Variants in TCERG1 observed in about 807,000 individuals in gnomAD.
TCERG1 encodes transcription elongation regulator 1.
A neutral mutation model predicts 144.7 loss-of-function variants in TCERG1; 37 were observed. The ratio of observed to expected loss-of-function variants is 0.26; its 90% CI spans 0.20 to 0.34. The LOEUF (loss-of-function observed/expected upper bound fraction) is 0.34. Ranked by LOEUF, TCERG1 falls within the 10% of genes least tolerant of loss-of-function variation. The probability of loss-of-function intolerance (pLI) is 1.00; values close to 1 mark genes in which losing one functional copy is unlikely to be tolerated. For synonymous variants in TCERG1, 492 were observed against 458.2 expected (o/e 1.07, Z -0.94); for missense variants, 1,027 against 1,380.7 (o/e 0.74, Z 4.06).
At chr5:146,454,208 A>AAAAG (rs1762619336) in intron 1 of TCERG1, among the ~76,000 whole-genome samples, 1 of 89,790 alleles carries the variant, frequency 1.1e-5, no homozygotes, top group African/African-American at 4.2e-5. Flanking sequence ...TCAAAAAAAA[A>AAAAG]AAAGAAAAGA....
chr5:146,454,591 TTG>T (rs1344637399), intron 1 of TCERG1, among the ~76,000 whole-genome samples: 1 of 150,888 alleles, frequency 6.6e-6, no homozygotes, highest in East Asian at 1.9e-4. Context: ...GTTTTTTTGG[TTG>T]TTTGTTTGTT....
chr5:146,457,115 A>C, intron 2 of TCERG1, 68 bp from the exon 3 acceptor site: 4 of 1,563,764 alleles, frequency 2.6e-6, no homozygotes, highest in Non-Finnish European at 3.5e-6. Flanking sequence ...TTACTTTTGA[A>C]TAGAATTCAG....
chr5:146,468,405 T>TA lies in TCERG1; in HGVS notation c.1198+4dup, dbSNP rs1310174893. 6.2e-7 allele frequency: 1 copy of TA among 1,611,316 alleles called. No homozygotes were observed. The highest frequency in any genetic ancestry group is 8.5e-7 in the Non-Finnish European group (1 of 1,178,586). On this transcript the variant is annotated splice_region_variant and intron_variant, in intron 6 of 22. Transcript: ENST00000679501. ...AGACAGTCGCTACCACCAAGACCGG[T>TA]AATTTTTAAAACCATCTTAGTTTGT...
intron 12 of TCERG1, among the ~76,000 whole-genome samples, chr5:146,480,859 A>C (rs1469927946): frequency 6.6e-6 from 1 of 152,046 alleles, no homozygotes. Flanking sequence ...GATATGAAAG[A>C]ATCACTCATA....
rs1372158048 is a variant in TCERG1 at position 146,511,756 on chromosome 5, T to C, written c.*1114T>C. ...GCCTCATAGCAAGAAGATGCTGGGG[T>C]TTTTTTTGTTTTTGTCCTTTGTATT... On this transcript the variant is annotated 3_prime_UTR_variant, in exon 23 of 23. Coordinates refer to ENST00000679501, the MANE Select transcript of TCERG1 (RefSeq NM_001382548.1). The C allele has an allele frequency of 6.6e-6, 1 of 151,914 alleles. No individual in the cohort carries two copies. Among genetic ancestry groups the C allele is most frequent in the African/African-American group, 2.4e-5 (1 of 41,336 alleles). 9.4% of individuals were successfully genotyped at this position (151,914 alleles called of 1,614,324 possible).
chr5:146,469,930 GTCA>G, intron 7 of TCERG1, 186 bp downstream of exon 7: 1 of 435,572 alleles, frequency 2.3e-6, no homozygotes. Context: ...TTACATGTTT[GTCA>G]TCATTTTTTT....
chr5:146,479,978 T>C (rs1561671389), intron 11 of TCERG1, 50 bp from the exon 12 acceptor site: 13 of 1,591,344 alleles, frequency 8.2e-6, no homozygotes, highest in Non-Finnish European at 1.1e-5. Flanking sequence ...CTGGTAGTGA[T>C]TAGCAGAAGG....
At chr5:146,474,112 CCTT>C (rs1403126761) in intron 9 of TCERG1, among the ~76,000 whole-genome samples, 3 of 152,084 alleles carry the variant, frequency 2.0e-5, no homozygotes, top group Non-Finnish European at 4.4e-5. Flanking sequence ...CAATAGAACA[CCTT>C]CTGTAAACAA....
chr5:146,504,019 C>G lies in TCERG1; in HGVS notation c.2781+13C>G, dbSNP rs201466767. 1 of 1,500,082 alleles carries G rather than the reference C, an allele frequency of 6.7e-7. No individual in the cohort carries two copies. Among genetic ancestry groups the G allele is most frequent in the Non-Finnish European group, 8.9e-7 (1 of 1,124,954 alleles). 92.9% of individuals were successfully genotyped at this position (1,500,082 alleles called of 1,614,324 possible). Reference sequence around the variant, plus strand: ...TCTGTCTGACATGGTATACGTTAATCTTTTACTTTTTTTCTCTAAAGTACT... The same window carrying G: ...TCTGTCTGACATGGTATACGTTAATGTTTTACTTTTTTTCTCTAAAGTACT... On this transcript the variant is annotated intron_variant, in intron 19 of 22. Transcript: ENST00000679501.
intron 16 of TCERG1, among the ~76,000 whole-genome samples, chr5:146,498,283 CTCTT>C (rs796930144): frequency 6.6e-5 from 10 of 151,736 alleles, no homozygotes; most frequent in South Asian, 2.1e-4. Context: ...ACTCTGTGAT[CTCTT>C]TCTTTTTTTT....
chr5:146,453,393 C>T (rs370667485), intron 1 of TCERG1, among the ~76,000 whole-genome samples: 5 of 152,202 alleles, frequency 3.3e-5, no homozygotes, highest in South Asian at 2.1e-4. Context: ...TGCGTGCACA[C>T]GTGCATCCTC....
In TCERG1 at chr5:146,482,607, A is replaced by G; in HGVS notation, c.1953A>G (p.Lys651=). 1 of 1,612,108 alleles carries G rather than the reference A, an allele frequency of 6.2e-7. No individual in the cohort carries two copies. Among genetic ancestry groups the G allele is most frequent in the East Asian group, 2.2e-5 (1 of 44,796 alleles). Residue 651 remains lysine, a synonymous_variant, in exon 14 of 23, where the codon AAA becomes AAG. Coordinates refer to ENST00000679501, the MANE Select transcript of TCERG1 (RefSeq NM_001382548.1). ...TTTTTTATAGGAGAGACGATAATAAAGACATTGACTCAGAGAAAGAAGCTG... is the reference window on the plus strand; with the variant it reads ...TTTTTTATAGGAGAGACGATAATAAGGACATTGACTCAGAGAAAGAAGCTG... ...RASLFRRDDN[K]DIDSEKEAAM... is the part of the protein sequence containing the mutation.
chr5:146,500,759 G>T (rs1767348421), intron 17 of TCERG1, among the ~76,000 whole-genome samples: 1 of 152,066 alleles, frequency 6.6e-6, no homozygotes, highest in East Asian at 1.9e-4. Flanking sequence ...GGTGGCTCAT[G>T]CCTGTAATCC....
At chr5:146,486,537 CTT>C (rs1371004767) in intron 15 of TCERG1, among the ~76,000 whole-genome samples, 2 of 152,194 alleles carry the variant, frequency 1.3e-5, no homozygotes, top group East Asian at 1.9e-4. Context: ...TAAGTTCTCT[CTT>C]ATCTTATTTC....
chr5:146,487,754 A>G (rs28858975), intron 15 of TCERG1, among the ~76,000 whole-genome samples: 36,781 of 151,082 alleles, frequency 0.24, 5,590 homozygotes, highest in East Asian at 0.83. Context: ...AAAAAATCCT[A>G]AAATTTTTGT....
At chr5:146,467,030 C>A (rs939622649) in intron 5 of TCERG1, among the ~76,000 whole-genome samples, 2 of 152,084 alleles carry the variant, frequency 1.3e-5, no homozygotes, top group Non-Finnish European at 2.9e-5. Context: ...TGCTTTCTTT[C>A]AACATTAGGG....
chr5:146,509,013 G>A (rs1768236885), intron 21 of TCERG1, 132 bp from the exon 22 acceptor site: 3 of 511,706 alleles, frequency 5.9e-6, no homozygotes, highest in Non-Finnish European at 1.0e-5. Flanking sequence ...AATGTACCCT[G>A]TTGCCTTTTT....
At chr5:146,498,050 C>T (rs981483197) in intron 16 of TCERG1, among the ~76,000 whole-genome samples, 2 of 152,180 alleles carry the variant, frequency 1.3e-5, no homozygotes, top group African/African-American at 4.8e-5. Context: ...CTTGAGCTCT[C>T]TCTGCACCTC....
chr5:146,495,058 G>T (rs1766760573), intron 16 of TCERG1, among the ~76,000 whole-genome samples: 1 of 152,104 alleles, frequency 6.6e-6, no homozygotes, highest in Non-Finnish European at 1.5e-5. Context: ...ATAAGTAATA[G>T]AAATAAGTCT....
Sources: gnomAD v4.1 joint callset for allele counts (sites outside exome capture counted in the v4.1 genomes callset) on GRCh38, gnomAD v4.1.1 for gene constraint, MANE v1.5 for transcripts, NCBI Gene and HGNC (gene_info 2026-07-23, HGNC 2026-07-21) for gene names.